Variants in SNX7 observed in about 807,000 individuals in gnomAD.
SNX7 encodes the protein sorting nexin 7.
SNX7 carries 35 observed loss-of-function variants against 48.4 expected under a neutral mutation model. The ratio of observed to expected loss-of-function variants is 0.72; its 90% CI spans 0.55 to 0.96. The LOEUF (loss-of-function observed/expected upper bound fraction) is 0.96, where lower values mean the gene tolerates loss of function less well. SNX7 is among the 40% of genes least tolerant of loss of function. The pLI is 0.00. For synonymous variants in SNX7, 190 were observed against 190.2 expected (o/e 1.00, Z 0.01); for missense variants, 553 against 548.9 (o/e 1.01, Z -0.07).
At chr1:98,754,468 A>G (rs188498221) in intron 8 of SNX7, among the ~76,000 whole-genome samples, 16 of 152,156 alleles carry the variant, frequency 1.1e-4, no homozygotes, top group African/African-American at 3.9e-4. Flanking sequence ...GGGCCTAGAA[A>G]TTTGTGTATG....
At chr1:98,704,327 A>G (rs1320521788) in intron 7 of SNX7, among the ~76,000 whole-genome samples, 1 of 152,204 alleles carries the variant, frequency 6.6e-6, no homozygotes, top group African/African-American at 2.4e-5. Flanking sequence ...TTCAAAACAG[A>G]CACATTTAAC....
At chr1:98,673,067 C>T (rs1268765795) in intron 1 of SNX7, among the ~76,000 whole-genome samples, 2 of 151,824 alleles carry the variant, frequency 1.3e-5, no homozygotes, top group African/African-American at 4.8e-5. Context: ...GCTTAACAAT[C>T]TCTAGCTGTG....
chr1:98,673,318 T>G (rs1428827066), intron 1 of SNX7, among the ~76,000 whole-genome samples: 2 of 152,224 alleles, frequency 1.3e-5, no homozygotes, highest in African/African-American at 2.4e-5. Context: ...ACTGGAATCC[T>G]GCTCTCCAAG....
intron 7 of SNX7, among the ~76,000 whole-genome samples, chr1:98,712,074 A>G (rs899496149): frequency 2.6e-5 from 4 of 152,144 alleles, no homozygotes; most frequent in African/African-American, 9.7e-5. Flanking sequence ...CTCTACTTCT[A>G]ATTATAGTTC....
At chr1:98,711,799 C>T (rs1005224824) in intron 7 of SNX7, among the ~76,000 whole-genome samples, 12 of 152,118 alleles carry the variant, frequency 7.9e-5, no homozygotes, top group African/African-American at 2.4e-4. Context: ...GTGAATTCCC[C>T]GTAGCATGCA....
chr1:98,708,268 A>T (rs537921056), intron 7 of SNX7, among the ~76,000 whole-genome samples: 1 of 152,216 alleles, frequency 6.6e-6, no homozygotes, highest in South Asian at 2.1e-4. Context: ...AAAGAACATG[A>T]CAGTGTCCAG....
At chr1:98,720,603 C>G (rs1201562637) in intron 7 of SNX7, among the ~76,000 whole-genome samples, 1 of 152,054 alleles carries the variant, frequency 6.6e-6, no homozygotes, top group African/African-American at 2.4e-5. Context: ...ATGGTACCCA[C>G]TGGCCACATG....
chr1:98,718,360 T>C (rs1256046034), intron 7 of SNX7, among the ~76,000 whole-genome samples: 3 of 152,204 alleles, frequency 2.0e-5, no homozygotes, highest in East Asian at 1.9e-4. Flanking sequence ...AGAGGAAATA[T>C]ATACACACAT....
chr1:98,691,348 TA>T (rs1184144990), intron 3 of SNX7, among the ~76,000 whole-genome samples, 163 bp downstream of exon 3: 17 of 147,928 alleles, frequency 1.1e-4, no homozygotes, highest in Admixed American at 3.4e-4. Context: ...ATTTTTTTTT[TA>T]AAAAAAACTC....
intron 7 of SNX7, among the ~76,000 whole-genome samples, chr1:98,704,975 G>A (rs12083724): frequency 0.014 from 2,070 of 152,206 alleles, 59 homozygotes; most frequent in African/African-American, 0.048. Context: ...ACCTTTGTGT[G>A]GATTTTGTGG....
In SNX7 at chr1:98,723,580, C is replaced by A. The variant is rs371408639; in HGVS notation, c.1126-14657C>A. On this transcript the variant is annotated intron_variant, in intron 7 of 8. Coordinates refer to ENST00000306121, the MANE Select transcript of SNX7 (RefSeq NM_015976.5). ...AGATGGGTTTTCTACATAGAAAATT[C>A]TAGGTCGGGTGCAGTGGCTCACACC... Among the ~76,000 whole-genome samples the A allele has an allele frequency of 5.9e-5, 9 of 151,828 alleles. No individual in the cohort carries two copies. The East Asian group carries it at 1.7e-3, about 29-fold the overall frequency.
rs1557831915 is a variant in SNX7, at chr1:98,738,266, T to C, written c.1155T>C (p.Asp385=). The change falls in exon 8 of 9, where the codon GAT becomes GAC. Residue 385 remains aspartate, a synonymous_variant. Transcript: ENST00000306121. ...CAGAGGAGATTGGAAAACTTGAAGA[T>C]AAAGTGGAATGTGCTAATAATGCCC... is the stretch of plus-strand genomic sequence containing the variant. ...LLPEEIGKLE[D]KVECANNALK... The C allele has an allele frequency of 1.2e-6, 2 of 1,613,236 alleles. No homozygotes were observed. The highest frequency in any genetic ancestry group is 1.7e-6 in the Non-Finnish European group (2 of 1,179,650).
intron 2 of SNX7, among the ~76,000 whole-genome samples, chr1:98,687,632 C>T (rs1650877754): frequency 1.3e-5 from 2 of 152,078 alleles, no homozygotes. Flanking sequence ...GGTGTTTTCA[C>T]TCTGAAGAAG....
intron 8 of SNX7, among the ~76,000 whole-genome samples, chr1:98,759,772 G>A (rs566682644): frequency 2.0e-5 from 3 of 151,982 alleles, no homozygotes; most frequent in African/African-American, 4.8e-5. Flanking sequence ...CCTCTATAAC[G>A]TGAAGCTCTT....
intron 7 of SNX7, among the ~76,000 whole-genome samples, chr1:98,725,393 T>G (rs4548463): frequency 0.28 from 42,066 of 151,966 alleles, 6,135 homozygotes; most frequent in Middle Eastern, 0.31. Flanking sequence ...ATTAGGCAAA[T>G]ATTTGCCTCT....
chr1:98,681,077 G>A (rs186290387), intron 1 of SNX7, among the ~76,000 whole-genome samples: 228 of 152,268 alleles, frequency 1.5e-3, no homozygotes, highest in Non-Finnish European at 2.7e-3. Flanking sequence ...ACAATTCCAC[G>A]TGGCTGGGGA....
chr1:98,724,677 T>C (rs1653073504), intron 7 of SNX7, among the ~76,000 whole-genome samples: 1 of 152,152 alleles, frequency 6.6e-6, no homozygotes, highest in Non-Finnish European at 1.5e-5. Flanking sequence ...GATGGAAGAT[T>C]ATTAATTAAA....
chr1:98,712,191 A>C (rs1652350237), intron 7 of SNX7, among the ~76,000 whole-genome samples: 1 of 152,092 alleles, frequency 6.6e-6, no homozygotes, highest in Non-Finnish European at 1.5e-5. Flanking sequence ...AATTCCTATA[A>C]ATGTTAATAT....
At chr1:98,757,745 GA>G (rs1654923922) in intron 8 of SNX7, among the ~76,000 whole-genome samples, 1 of 151,842 alleles carries the variant, frequency 6.6e-6, no homozygotes, top group African/African-American at 2.4e-5. Flanking sequence ...TTGATTGATT[GA>G]TTGATTGATT....
Sources: allele counts gnomAD v4.1 joint callset (sites outside exome capture counted in the v4.1 genomes callset), GRCh38; gene constraint gnomAD v4.1.1; transcripts MANE v1.5; gene names NCBI Gene and HGNC (gene_info 2026-07-23, HGNC 2026-07-21).